Variants in CNTNAP1 observed in about 807,000 individuals in gnomAD.
CNTNAP1 encodes the protein contactin-associated protein 1.
CNTNAP1 carries 80 observed loss-of-function variants against 161.5 expected under a neutral mutation model. The ratio of observed to expected loss-of-function variants is 0.50; its 90% CI spans 0.41 to 0.60. CNTNAP1 has a LOEUF of 0.60. CNTNAP1 is among the 20% of genes least tolerant of loss of function. The pLI is 0.00. For synonymous variants in CNTNAP1, 695 were observed against 733.1 expected (o/e 0.95, Z 0.84); for missense variants, 1,464 against 1,854.8 (o/e 0.79, Z 3.87).
Position 42,686,016 on chromosome 17 carries a change from A to G in CNTNAP1, c.775A>G (p.Asn259Asp), listed in dbSNP as rs746547089. 1.9e-6 allele frequency: 3 copies of G among 1,614,058 alleles called. No individual in the cohort carries two copies. The South Asian group carries it at 3.3e-5, about 18-fold the overall frequency. The change falls in exon 6 of 24, where the codon AAT (asparagine) becomes GAT (aspartate). Residue 259 changes from asparagine (N) to aspartate (D), a missense_variant. This residue lies in a region of CNTNAP1 where 1,383 missense variants were observed against 1,765.0 expected (regional missense o/e 0.78). Transcript: ENST00000264638. ...HTTVSAGGVL[N>D]DQHWHYVRVD... ...CACCGTGAGCGCAGGCGGAGTCCTC[A>G]ATGACCAGCACTGGCACTATGTGCG...
Position 42,690,997 on chromosome 17 carries a change from T to C in CNTNAP1, c.2059+55T>C, listed in dbSNP as rs2053079353. 3 of 1,606,754 alleles carry C rather than the reference T, an allele frequency of 1.9e-6. No homozygotes were observed. In the South Asian group the frequency reaches 3.3e-5, roughly 18 times the overall value. On this transcript the variant is annotated intron_variant, in intron 13 of 23. Coordinates refer to ENST00000264638, the MANE Select transcript of CNTNAP1 (RefSeq NM_003632.3). ...ACTGGAGGAGACACCAATGGGGGCC[T>C]GGGAGAAGGAAGCCAGAGAGCCAGC...
intron 12 of CNTNAP1, 44 bp downstream of exon 12, chr17:42,690,251 G>A (rs199920443): frequency 7.5e-6 from 12 of 1,610,552 alleles, no homozygotes; most frequent in Non-Finnish European, 1.0e-5. Context: ...GGGAGAACCA[G>A]GAAGGATAGA....
At position 42,682,727 on chromosome 17, in the gene CNTNAP1, G is replaced by A. The variant is rs937848378; in HGVS notation, c.-103G>A. Reference sequence around the variant, plus strand: ...AAGGGTGGGTAAGGAGGAGAGAGCGGTCTGCTGCAAACCCCAGGAGGAGAG... The same window carrying A: ...AAGGGTGGGTAAGGAGGAGAGAGCGATCTGCTGCAAACCCCAGGAGGAGAG... On this transcript the variant is annotated 5_prime_UTR_variant, in exon 1 of 24. Coordinates refer to ENST00000264638, the MANE Select transcript of CNTNAP1 (RefSeq NM_003632.3). 9.3e-6 allele frequency: 11 copies of A among 1,187,138 alleles called. No individual in the cohort carries two copies. Among genetic ancestry groups the A allele is most frequent in the Middle Eastern group, 3.8e-4 (2 of 5,308 alleles). The allele number at this position is 1,187,138 out of a possible 1,614,324, so 73.5% of individuals were successfully genotyped here.
At chr17:42,698,570 T>A in intron 23 of CNTNAP1, 48 bp from the exon 24 acceptor site, 1 of 1,433,768 alleles carries the variant, frequency 7.0e-7, no homozygotes, top group Non-Finnish European at 9.6e-7. Flanking sequence ...TGTGTGTGTA[T>A]ACAGGTGAGA....
Position 42,695,444 on chromosome 17 carries a change from G to T in CNTNAP1, c.2993-77G>T, listed in dbSNP as rs1027265830. The T allele has an allele frequency of 1.7e-5, 19 of 1,147,854 alleles. No homozygotes were observed. The Admixed American group carries it at 3.5e-4, about 21-fold the overall frequency. The allele number at this position is 1,147,854 out of a possible 1,614,324, so 71.1% of individuals were successfully genotyped here. A position where few individuals can be genotyped will look rare whatever the true frequency, so the allele number is the denominator to read the frequency against. On this transcript the variant is annotated intron_variant, in intron 18 of 23. Transcript: ENST00000264638. ...GAAACTGAAGTAAGTCTCAGGATGTGTGTATGGATGACATAAAACCTCTGA... is the reference window on the plus strand; with the variant it reads ...GAAACTGAAGTAAGTCTCAGGATGTTTGTATGGATGACATAAAACCTCTGA...
intron 8 of CNTNAP1, 87 bp downstream of exon 8, chr17:42,688,068 A>G (rs1390013326): frequency 6.6e-7 from 1 of 1,519,450 alleles, no homozygotes; most frequent in African/African-American, 1.4e-5. Flanking sequence ...AGGCCTTTAC[A>G]TTCTGGAGAG....
At chr17:42,693,578 G>C (rs377054691) in intron 18 of CNTNAP1, 42 bp downstream of exon 18, 2 of 1,597,668 alleles carry the variant, frequency 1.3e-6, no homozygotes, top group Admixed American at 1.7e-5. Flanking sequence ...GCCATAGGGT[G>C]TAATGGGATG....
rs368999630 is a variant in CNTNAP1, at chr17:42,683,816, C to G, written c.68-5C>G. On this transcript the variant is annotated splice_polypyrimidine_tract_variant and splice_region_variant and intron_variant, in intron 1 of 23. Coordinates refer to ENST00000264638, the MANE Select transcript of CNTNAP1 (RefSeq NM_003632.3). Reference sequence around the variant, plus strand: ...GCTGACTAACAGTCGGTTTCCCTACCCTAGACGGCTGCGACGAGGAGCTGG... The same window carrying G: ...GCTGACTAACAGTCGGTTTCCCTACGCTAGACGGCTGCGACGAGGAGCTGG... 1.2e-6 allele frequency: 2 copies of G among 1,610,584 alleles called. No individual in the cohort carries two copies. Among genetic ancestry groups the G allele is most frequent in the African/African-American group, 2.7e-5 (2 of 74,996 alleles).
chr17:42,699,038 C>A lies in CNTNAP1; in HGVS notation c.*128C>A, dbSNP rs1413685203. 9.5e-6 allele frequency: 7 copies of A among 738,788 alleles called. No individual in the cohort carries two copies. Among genetic ancestry groups the A allele is most frequent in the African/African-American group, 5.3e-5 (3 of 56,076 alleles). The allele number at this position is 738,788 out of a possible 1,614,324, so 45.8% of individuals were successfully genotyped here. The stretch of plus-strand genomic sequence containing the variant: ...TCATCCAGAGGATATTCCCCCATCC[C>A]CCCCCCATCAAGTTTGGTGGGCAGA... On this transcript the variant is annotated 3_prime_UTR_variant, in exon 24 of 24. Transcript: ENST00000264638.
intron 10 of CNTNAP1, 54 bp downstream of exon 10, chr17:42,689,101 C>T (rs1042524344): frequency 6.7e-7 from 1 of 1,495,490 alleles, no homozygotes; most frequent in East Asian, 2.3e-5. Flanking sequence ...CTTCCCTGGT[C>T]TCCCAGTAGG....
intron 10 of CNTNAP1, 40 bp downstream of exon 10, chr17:42,689,087 C>A: frequency 6.6e-7 from 1 of 1,517,014 alleles, no homozygotes; most frequent in Non-Finnish European, 8.8e-7. Context: ...CCCTCCAAAG[C>A]CCTCTTCCCT....
chr17:42,689,590 C>T lies in CNTNAP1; in HGVS notation c.1698C>T (p.Cys566=), dbSNP rs370308797. 13 of 1,613,744 alleles carry T rather than the reference C, an allele frequency of 8.1e-6. No individual in the cohort carries two copies. The highest frequency in any genetic ancestry group is 4.5e-5 in the East Asian group (2 of 44,874). The change falls in exon 11 of 24, where the codon TGC becomes TGT. Residue 566 remains cysteine (C), a synonymous_variant. Transcript: ENST00000264638. ...YQSWDDFICY[C]ELTGYKGETC... ...CTTGGGATGACTTCATTTGCTACTG[C>T]GAACTGACGGGCTACAAGGGAGAGA...
intron 18 of CNTNAP1, among the ~76,000 whole-genome samples, chr17:42,694,848 T>C (rs1015669761): frequency 1.3e-5 from 2 of 152,106 alleles, no homozygotes; most frequent in Non-Finnish European, 2.9e-5. Context: ...GGAGGATATA[T>C]GAGCAGGTGG....
chr17:42,683,921 C>T lies in CNTNAP1; in HGVS notation c.168C>T (p.His56=), dbSNP rs760965654. 3.7e-6 allele frequency: 6 copies of T among 1,613,740 alleles called. No homozygotes were observed. The highest frequency in any genetic ancestry group is 1.3e-5 in the African/African-American group (1 of 74,916). Residue 56 remains histidine, a splice_region_variant and synonymous_variant, in exon 2 of 24, where the codon CAC becomes CAT. Transcript: ENST00000264638. ...LLTAPRFARL[H]GISGWSPRIG... ...CTGCGCCGAGATTCGCCAGGCTGCA[C>T]GGTGAGCTCCGCGGAACATCAGCTG...
At chr17:42,697,868 G>A (rs757709821) in intron 22 of CNTNAP1, 35 bp from the exon 23 acceptor site, 8 of 1,614,162 alleles carry the variant, frequency 5.0e-6, no homozygotes, top group Non-Finnish European at 6.8e-6. Context: ...TAACATGGAG[G>A]AGGCATCTCC....
Position 42,691,594 on chromosome 17 carries a change from T to G in CNTNAP1, c.2344+83T>G, listed in dbSNP as rs2053087178. ...TCTAGGCCGCATGTCACTGGTGGTC[T>G]CTAGCTGGGGTGCCCGACCCCCAGC... is the stretch of plus-strand genomic sequence containing the variant. On this transcript the variant is annotated intron_variant, in intron 15 of 23. Coordinates refer to ENST00000264638, the MANE Select transcript of CNTNAP1 (RefSeq NM_003632.3). This position sits in a 1 kb window ranked among gnomAD's most constrained non-coding sequence, Gnocchi z 4.3. 2 of 1,579,044 alleles carry G rather than the reference T, an allele frequency of 1.3e-6. No individual in the cohort carries two copies. The highest frequency in any genetic ancestry group is 8.6e-7 in the Non-Finnish European group (1 of 1,162,140).
intron 6 of CNTNAP1, among the ~76,000 whole-genome samples, chr17:42,686,469 GTTTTTTT>G (rs748366958): frequency 1.4e-4 from 10 of 71,362 alleles, no homozygotes; most frequent in East Asian, 1.3e-3. Flanking sequence ...AAAAAGGCCT[GTTTTTTT>G]TTTTTTTTTT....
chr17:42,693,536 G>A lies in CNTNAP1; in HGVS notation c.2992G>A (p.Asp998Asn), dbSNP rs766739363. The change falls in exon 18 of 24, where the codon GAT becomes AAT. Residue 998 changes from aspartate (D) to asparagine (N), a missense_variant and splice_region_variant. This residue lies in a region of CNTNAP1 where 1,383 missense variants were observed against 1,765.0 expected (regional missense o/e 0.78). Transcript: ENST00000264638. ...TTTTGATGGGCCATACTGCAACCACGGTAAGTGCTGCTGGTTATGGGGCAA... is the reference window on the plus strand; with the variant it reads ...TTTTGATGGGCCATACTGCAACCACAGTAAGTGCTGCTGGTTATGGGGCAA... ...TAFDGPYCNH[D>N]IGGFFEPGTW... 1.3e-5 allele frequency: 21 copies of A among 1,612,082 alleles called. No homozygotes were observed. The highest frequency in any genetic ancestry group is 4.0e-5 in the African/African-American group (3 of 74,896).
rs1196945847 is a variant in CNTNAP1, at chr17:42,689,986, C to T, written c.1736-102C>T. 41 of 1,357,960 alleles carry T rather than the reference C, an allele frequency of 3.0e-5. No individual in the cohort carries two copies. In the East Asian group the frequency reaches 9.0e-4, roughly 30 times the overall value. 84.1% of individuals were successfully genotyped at this position (1,357,960 alleles called of 1,614,324 possible). A position where few individuals can be genotyped will look rare whatever the true frequency, so the allele number is the denominator to read the frequency against. The stretch of plus-strand genomic sequence containing the variant: ...GAACTCCTGACCTCGGGTGATGCAC[C>T]ACCCCGGCCTCCCAAAGTGCTGGGA... On this transcript the variant is annotated intron_variant, in intron 11 of 23. Transcript: ENST00000264638.
Sources: allele counts gnomAD v4.1 joint callset (sites outside exome capture counted in the v4.1 genomes callset), GRCh38; gene constraint gnomAD v4.1.1; regional missense constraint gnomAD v4.1.1; non-coding constraint Gnocchi (gnomAD v3.1); transcripts MANE v1.5; gene names NCBI Gene and HGNC (gene_info 2026-07-23, HGNC 2026-07-21).